Variants in ACTN1 observed in about 807,000 individuals in gnomAD.
ACTN1 encodes alpha-actinin-1.
ACTN1 carries 30 observed loss-of-function variants against 119.6 expected under a neutral mutation model. That is an observed-to-expected ratio of 0.25 (90% CI 0.19 to 0.34). The LOEUF (loss-of-function observed/expected upper bound fraction) is 0.34. Among genes scored for constraint, ACTN1 ranks in the 10% least tolerant of loss-of-function variants. ACTN1 has a pLI of 1.00. For synonymous variants in ACTN1, 429 were observed against 472.6 expected (o/e 0.91, Z 1.20); for missense variants, 764 against 1,223.4 (o/e 0.62, Z 5.60).
Position 68,879,452 on chromosome 14 carries a change from C to A in ACTN1, c.2281-383G>T, listed in dbSNP as rs546053901. 2.0e-5 allele frequency among the ~76,000 whole-genome samples: 3 copies of A among 152,174 alleles called. No individual in the cohort carries two copies. On this transcript the variant is annotated intron_variant, in intron 18 of 21. Transcript: ENST00000394419. The surrounding 1 kb of genome is among the most constrained non-coding windows in gnomAD (Gnocchi z 4.9). ...GGCAGCACCCAAGCCCATGCTCCCA[C>A]GCCTTGGGACCGCCCGCAAGCCCCA...
chr14:68,895,369 C>T (rs1369589681), intron 8 of ACTN1, among the ~76,000 whole-genome samples: 1 of 152,170 alleles, frequency 6.6e-6, no homozygotes, highest in Non-Finnish European at 1.5e-5. Context: ...CACGGGGAAT[C>T]CCAAGAAGCA....
intron 1 of ACTN1, among the ~76,000 whole-genome samples, chr14:68,943,836 G>C (rs1299560302): frequency 2.0e-5 from 3 of 152,252 alleles, no homozygotes; most frequent in Non-Finnish European, 4.4e-5. Context: ...GCAAGAGGCA[G>C]AACTGAGGTG....
At chr14:68,889,135 G>T (rs968773808) in intron 11 of ACTN1, among the ~76,000 whole-genome samples, 1 of 152,202 alleles carries the variant, frequency 6.6e-6, no homozygotes, top group Non-Finnish European at 1.5e-5. Context: ...CCCACCTCCA[G>T]CCCTGGTCCA....
At chr14:68,930,036 C>T (rs17106618) in intron 1 of ACTN1, among the ~76,000 whole-genome samples, 4,974 of 152,332 alleles carry the variant, frequency 0.033, 282 homozygotes, top group African/African-American at 0.11. Context: ...CTCTCACAGA[C>T]TCCGCTAACC....
chr14:68,958,119 C>A (rs2036413567), intron 1 of ACTN1, among the ~76,000 whole-genome samples: 1 of 152,164 alleles, frequency 6.6e-6, no homozygotes, highest in Non-Finnish European at 1.5e-5. Flanking sequence ...TACTAAGAAG[C>A]CAATCAGTGA....
chr14:68,945,070 G>A (rs143803420), intron 1 of ACTN1, among the ~76,000 whole-genome samples: 1 of 151,376 alleles, frequency 6.6e-6, no homozygotes, highest in East Asian at 2.0e-4. Flanking sequence ...AAAGGCTAAG[G>A]TAGGAGAATC....
At chr14:68,897,992 C>T (rs1176984956) in intron 8 of ACTN1, among the ~76,000 whole-genome samples, 11 of 151,880 alleles carry the variant, frequency 7.2e-5, no homozygotes, top group Admixed American at 7.2e-4. Flanking sequence ...GCTAAGCCTT[C>T]CCCCCACAGA....
intron 1 of ACTN1, among the ~76,000 whole-genome samples, chr14:68,951,058 G>A (rs1327030414): frequency 1.3e-5 from 2 of 152,208 alleles, no homozygotes; most frequent in East Asian, 3.8e-4. Context: ...AAGCGACGAA[G>A]GCAGACGAAC....
intron 8 of ACTN1, among the ~76,000 whole-genome samples, chr14:68,899,445 C>T (rs1294854173): frequency 1.4e-5 from 2 of 147,470 alleles, no homozygotes; most frequent in Admixed American, 1.3e-4. Context: ...CCCAGACACA[C>T]ACCTTACACA....
At chr14:68,883,146 T>C (rs977106503) in intron 14 of ACTN1, 91 bp from the exon 15 acceptor site, 1 of 1,358,390 alleles carries the variant, frequency 7.4e-7, no homozygotes, top group Non-Finnish European at 1.0e-6. Flanking sequence ...CCACACCAGC[T>C]GGGAGACCAG....
intron 1 of ACTN1, among the ~76,000 whole-genome samples, chr14:68,969,304 C>G (rs1478597597): frequency 6.6e-6 from 1 of 152,240 alleles, no homozygotes. Flanking sequence ...CAGCCCCAGC[C>G]ACCAGTATCC....
intron 1 of ACTN1, among the ~76,000 whole-genome samples, chr14:68,928,709 G>C (rs537516402): frequency 1.3e-5 from 2 of 152,298 alleles, no homozygotes; most frequent in South Asian, 4.1e-4. Flanking sequence ...GAACAGTGGG[G>C]AGGAGGAAGA....
At chr14:68,974,414 A>G (rs2036995258) in intron 1 of ACTN1, 1 of 152,276 alleles carries the variant, frequency 6.6e-6, no homozygotes. Flanking sequence ...TCTATAAAAC[A>G]TAAATTTAAA....
Position 68,978,953 on chromosome 14 carries a change from T to C in ACTN1, c.104A>G (p.Lys35Arg). 3 of 1,563,814 alleles carry C rather than the reference T, an allele frequency of 1.9e-6. No individual in the cohort carries two copies. Among genetic ancestry groups the C allele is most frequent in the Non-Finnish European group, 2.6e-6 (3 of 1,147,464 alleles). ...LDPAWEKQQR[K>R]TFTAWCNSHL... ...CAGCGGGCGGGGGCGGCTGCTAACC[T>C]TTCTCTGCTGCTTCTCCCAGGCCGG... The change falls in exon 1 of 22, where the codon AAG becomes AGG. Residue 35 changes from lysine (K) to arginine (R), a missense_variant and splice_region_variant. Transcript: ENST00000394419.
At chr14:68,944,106 G>A (rs896313686) in intron 1 of ACTN1, among the ~76,000 whole-genome samples, 4 of 152,238 alleles carry the variant, frequency 2.6e-5, no homozygotes, top group South Asian at 2.1e-4. Context: ...AGCCAGCCAC[G>A]AGAGGAGGCT....
intron 1 of ACTN1, chr14:68,936,697 C>T (rs1440050035): frequency 1.9e-5 from 12 of 633,318 alleles, no homozygotes; most frequent in East Asian, 1.4e-4. Context: ...GGCAAGAAGC[C>T]GGAGGAAAGG....
In ACTN1 at chr14:68,918,732, A is replaced by T. The variant is rs941653680; in HGVS notation, c.340+2274T>A. 4.9e-5 allele frequency among the ~76,000 whole-genome samples: 3 copies of T among 61,816 alleles called. No homozygotes were observed. The East Asian group carries it at 1.3e-3, about 27-fold the overall frequency. 40.6% of individuals were successfully genotyped at this position (61,816 alleles called of 152,430 possible). On this transcript the variant is annotated intron_variant, in intron 3 of 21. Transcript: ENST00000394419. ...AGCACAGTGAAATCCCATCTCTACTAAAAAAAAAAAAAGAAAAGAAAGTTC... is the reference window on the plus strand; with the variant it reads ...AGCACAGTGAAATCCCATCTCTACTTAAAAAAAAAAAAGAAAAGAAAGTTC...
At chr14:68,927,282 G>T (rs896575735) in intron 1 of ACTN1, among the ~76,000 whole-genome samples, 21 of 152,220 alleles carry the variant, frequency 1.4e-4, no homozygotes, top group African/African-American at 5.1e-4. Flanking sequence ...GCTCTGTCTG[G>T]GCTGGACACA....
intron 1 of ACTN1, among the ~76,000 whole-genome samples, chr14:68,963,410 T>C (rs2036602946): frequency 1.3e-5 from 2 of 152,244 alleles, no homozygotes; most frequent in South Asian, 4.1e-4. Flanking sequence ...CAGGTAGATA[T>C]TCATTTTATG....
Sources: gnomAD v4.1 joint callset for allele counts (sites outside exome capture counted in the v4.1 genomes callset) on GRCh38, gnomAD v4.1.1 for gene constraint, Gnocchi (gnomAD v3.1) non-coding constraint, MANE v1.5 for transcripts, NCBI Gene and HGNC (gene_info 2026-07-23, HGNC 2026-07-21) for gene names.